The following GRIN2B variants were observed in gnomAD, a reference collection of about 807,000 sequenced individuals.
GRIN2B encodes the protein glutamate receptor ionotropic, NMDA 2B.
A neutral mutation model predicts 114.5 loss-of-function variants in GRIN2B; 5 were observed. The ratio of observed to expected loss-of-function variants is 0.04; its 90% CI spans 0.02 to 0.09. The LOEUF (loss-of-function observed/expected upper bound fraction) is 0.09. GRIN2B is among the 10% of genes least tolerant of loss of function. GRIN2B has a pLI of 1.00. For synonymous variants in GRIN2B, 787 were observed against 745.1 expected (o/e 1.06, Z -0.92); for missense variants, 1,108 against 1,943.5 (o/e 0.57, Z 8.08).
chr12:13,547,981 A>ATATATATATATTTTTTTTTTTT lies in GRIN2B; in HGVS notation c.*14801_*14802insAAAAAAAAAAAATATATATATA. The ATATATATATATTTTTTTTTTTT allele has an allele frequency of 4.4e-5, 3 of 68,590 alleles. No homozygotes were observed. The highest frequency in any genetic ancestry group is 1.9e-4 in the Admixed American group (1 of 5,188). 4.2% of individuals were successfully genotyped at this position (68,590 alleles called of 1,614,324 possible). ...TGTGTATATATATATATATATATATATTTTTTTTTTTTTTCTGAAAGCTAC... is the reference window on the plus strand; with the variant it reads ...TGTGTATATATATATATATATATATATATATATATATTTTTTTTTTTTTTTTTTTTTTTTTTCTGAAAGCTAC... On this transcript the variant is annotated 3_prime_UTR_variant, in exon 14 of 14. Coordinates refer to ENST00000609686, the MANE Select transcript of GRIN2B (RefSeq NM_000834.5).
At chr12:13,824,026 G>A (rs1195702284) in intron 3 of GRIN2B, among the ~76,000 whole-genome samples, 2 of 152,020 alleles carry the variant, frequency 1.3e-5, no homozygotes, top group Non-Finnish European at 2.9e-5. Context: ...TATCTTGCTG[G>A]ATTTCCATTA....
At position 13,547,981 on chromosome 12, in the gene GRIN2B, A is replaced by ATATATATATATATATATATATTTT; in HGVS notation, c.*14801_*14802insAAAATATATATATATATATATATA. The ATATATATATATATATATATATTTT allele has an allele frequency of 5.8e-5, 4 of 68,596 alleles. No individual in the cohort carries two copies. The highest frequency in any genetic ancestry group is 1.4e-4 in the African/African-American group (3 of 21,784). 4.2% of individuals were successfully genotyped at this position (68,596 alleles called of 1,614,324 possible). A position where few individuals can be genotyped will look rare whatever the true frequency, so the allele number is the denominator to read the frequency against. ...TGTGTATATATATATATATATATAT[A>ATATATATATATATATATATATTTT]TTTTTTTTTTTTTTCTGAAAGCTAC... On this transcript the variant is annotated 3_prime_UTR_variant, in exon 14 of 14. Coordinates refer to ENST00000609686, the MANE Select transcript of GRIN2B (RefSeq NM_000834.5).
At chr12:13,640,132 T>C (rs11837079) in intron 5 of GRIN2B, among the ~76,000 whole-genome samples, 3,639 of 152,188 alleles carry the variant, frequency 0.024, 119 homozygotes, top group African/African-American at 0.07. Context: ...ATGATTGTAG[T>C]CCCAGCTACT....
At chr12:13,700,533 G>T (rs1950302279) in intron 4 of GRIN2B, among the ~76,000 whole-genome samples, 1 of 152,104 alleles carries the variant, frequency 6.6e-6, no homozygotes, top group Non-Finnish European at 1.5e-5. Context: ...AGTGATACTT[G>T]CCAGGCAGCA....
chr12:13,915,765 A>G (rs1866706974), intron 2 of GRIN2B, among the ~76,000 whole-genome samples: 1 of 152,084 alleles, frequency 6.6e-6, no homozygotes, highest in Admixed American at 6.6e-5. Flanking sequence ...GTCCATCTGA[A>G]GCCACTCTTC....
intron 5 of GRIN2B, among the ~76,000 whole-genome samples, chr12:13,667,444 A>T (rs1448516854): frequency 6.6e-6 from 1 of 152,064 alleles, no homozygotes; most frequent in African/African-American, 2.4e-5. Flanking sequence ...ATTGGATACA[A>T]AAAAAAGGGG....
chr12:13,788,994 G>T (rs544899198), intron 3 of GRIN2B, among the ~76,000 whole-genome samples: 1 of 152,260 alleles, frequency 6.6e-6, no homozygotes, highest in South Asian at 2.1e-4. Flanking sequence ...CCGATTAATG[G>T]CTGGTCACCA....
At chr12:13,643,296 C>T (rs1194025685) in intron 5 of GRIN2B, among the ~76,000 whole-genome samples, 1 of 152,120 alleles carries the variant, frequency 6.6e-6, no homozygotes, top group Non-Finnish European at 1.5e-5. Flanking sequence ...AAAAGTCACA[C>T]AAATTTTTGT....
rs1948468360 is a variant in GRIN2B at position 13,555,473 on chromosome 12, G to A, written c.*7310C>T. 1 of 152,166 alleles carries A rather than the reference G, an allele frequency of 6.6e-6. No homozygotes were observed. The highest frequency in any genetic ancestry group is 6.5e-5 in the Admixed American group (1 of 15,268). The allele number at this position is 152,166 out of a possible 1,614,324, so 9.4% of individuals were successfully genotyped here. A position where few individuals can be genotyped will look rare whatever the true frequency, so the allele number is the denominator to read the frequency against. On this transcript the variant is annotated 3_prime_UTR_variant, in exon 14 of 14. Coordinates refer to ENST00000609686, the MANE Select transcript of GRIN2B (RefSeq NM_000834.5). Reference sequence around the variant, plus strand: ...AGAGTCAAATTGGATTGAGAGATTTGTCTTTAGAGATAGTTGTAGGACGGG... The same window carrying A: ...AGAGTCAAATTGGATTGAGAGATTTATCTTTAGAGATAGTTGTAGGACGGG...
intron 10 of GRIN2B, among the ~76,000 whole-genome samples, chr12:13,580,023 A>C (rs2136425337): frequency 6.6e-6 from 1 of 152,326 alleles, no homozygotes; most frequent in Admixed American, 6.5e-5. Flanking sequence ...ATGAAGAAAC[A>C]TACTTGTTGA....
At chr12:13,722,632 G>C (rs963685912) in intron 4 of GRIN2B, among the ~76,000 whole-genome samples, 3 of 152,072 alleles carry the variant, frequency 2.0e-5, no homozygotes, top group African/African-American at 7.2e-5. Context: ...ATAGAAAAGA[G>C]GATATGTAAT....
At chr12:13,657,716 G>A (rs996484977) in intron 5 of GRIN2B, among the ~76,000 whole-genome samples, 8 of 152,102 alleles carry the variant, frequency 5.3e-5, no homozygotes, top group Non-Finnish European at 1.2e-4. Flanking sequence ...TAAAAATCAT[G>A]GGATAAATAC....
intron 6 of GRIN2B, 36 bp downstream of exon 6, chr12:13,616,419 C>T (rs1187055553): frequency 2.0e-6 from 3 of 1,519,764 alleles, no homozygotes; most frequent in African/African-American, 1.4e-5. Flanking sequence ...AGCTGACTCT[C>T]CCATGCCACC....
intron 10 of GRIN2B, among the ~76,000 whole-genome samples, chr12:13,582,901 T>C (rs1806218): frequency 0.027 from 4,178 of 152,286 alleles, 210 homozygotes; most frequent in African/African-American, 0.096. Flanking sequence ...AATAAGGCAG[T>C]CACTTCTTTT....
At chr12:13,798,160 T>C (rs968636089) in intron 3 of GRIN2B, among the ~76,000 whole-genome samples, 1 of 152,230 alleles carries the variant, frequency 6.6e-6, no homozygotes, top group Non-Finnish European at 1.5e-5. Flanking sequence ...GAACCATTCC[T>C]GACCCATTCT....
chr12:13,873,491 T>C (rs2136756142), intron 2 of GRIN2B, among the ~76,000 whole-genome samples: 1 of 152,332 alleles, frequency 6.6e-6, no homozygotes, highest in South Asian at 2.1e-4. Context: ...AAATAACACA[T>C]AAAAGGCACC....
intron 2 of GRIN2B, among the ~76,000 whole-genome samples, chr12:13,874,377 AT>A (rs1865962780): frequency 6.6e-6 from 1 of 152,362 alleles, no homozygotes; most frequent in South Asian, 2.1e-4. Context: ...CTAATAAAGG[AT>A]TATAAATCAC....
intron 4 of GRIN2B, among the ~76,000 whole-genome samples, chr12:13,722,092 C>G (rs1298881278): frequency 2.0e-5 from 3 of 152,008 alleles, no homozygotes; most frequent in Non-Finnish European, 4.4e-5. Flanking sequence ...AAGAACCATT[C>G]CATTAACACA....
At chr12:13,847,217 T>C (rs532455529) in intron 3 of GRIN2B, among the ~76,000 whole-genome samples, 33 of 152,276 alleles carry the variant, frequency 2.2e-4, no homozygotes, top group African/African-American at 7.9e-4. Context: ...AAAAAATTTA[T>C]ATTATTATTC....
Sources: allele counts gnomAD v4.1 joint callset (sites outside exome capture counted in the v4.1 genomes callset), GRCh38; gene constraint gnomAD v4.1.1; transcripts MANE v1.5; gene names NCBI Gene and HGNC (gene_info 2026-07-23, HGNC 2026-07-21).